CDK5RAP2: variants seen among roughly 807,000 people sequenced by gnomAD.
CDK5RAP2 encodes the protein CDK5 regulatory subunit-associated protein 2.
CDK5RAP2 carries 147 observed loss-of-function variants against 232.9 expected under a neutral mutation model. The observed-to-expected ratio is 0.63, with a 90% CI of 0.55 to 0.72. CDK5RAP2 has a LOEUF of 0.72. Among genes scored for constraint, CDK5RAP2 ranks in the 30% least tolerant of loss-of-function variants. The pLI, the probability that CDK5RAP2 is intolerant of heterozygous loss-of-function variation, is 0.00. For missense variants in CDK5RAP2, 2,195 were observed against 2,231.5 expected (o/e 0.98, Z 0.33); for synonymous variants, 833 against 833.7 (o/e 1.00, Z 0.01).
chr9:120,465,707 A>G (rs1318013739), intron 18 of CDK5RAP2, among the ~76,000 whole-genome samples: 6 of 131,046 alleles, frequency 4.6e-5, no homozygotes, highest in Admixed American at 1.4e-4. Context: ...AACTCTAAGG[A>G]AAAAAAAAAA....
At chr9:120,390,616 C>T (rs2031855740) in intron 36 of CDK5RAP2, among the ~76,000 whole-genome samples, 1 of 152,218 alleles carries the variant, frequency 6.6e-6, no homozygotes, top group Non-Finnish European at 1.5e-5. Context: ...GGCAAGAATG[C>T]CCCTCTTGAT....
chr9:120,467,663 T>G (rs956999075), intron 18 of CDK5RAP2, among the ~76,000 whole-genome samples, 197 bp downstream of exon 18: 3 of 152,208 alleles, frequency 2.0e-5, no homozygotes, highest in African/African-American at 7.2e-5. Context: ...TGGTTTTTTT[T>G]GAGACAGGGT....
chr9:120,569,972 A>C (rs1047620514), intron 2 of CDK5RAP2, among the ~76,000 whole-genome samples: 2 of 152,264 alleles, frequency 1.3e-5, no homozygotes, highest in African/African-American at 4.8e-5. Context: ...GATGAAGTGA[A>C]ATACACAATG....
intron 5 of CDK5RAP2, among the ~76,000 whole-genome samples, chr9:120,544,677 T>C (rs914617): frequency 0.85 from 129,589 of 152,260 alleles, 56,294 homozygotes; most frequent in Non-Finnish European, 0.95. Context: ...ATGAAGCATT[T>C]CCACATAAGC....
intron 25 of CDK5RAP2, among the ~76,000 whole-genome samples, chr9:120,430,475 A>G (rs1470392844): frequency 6.6e-6 from 1 of 150,868 alleles, no homozygotes; most frequent in Non-Finnish European, 1.5e-5. Context: ...ACTTCTCAAA[A>G]GAAGACATTT....
rs117525607 is a variant in CDK5RAP2 at position 120,440,273 on chromosome 9, G to A, written c.3149-301C>T. On this transcript the variant is annotated intron_variant, in intron 23 of 37. Transcript: ENST00000349780. ...ACACACACACCCCCTAAAATTCATC[G>A]ACATTCCCAGTATCTACATGAGACC... 57 of 417,860 alleles carry A rather than the reference G, an allele frequency of 1.4e-4. No homozygotes were observed. In the East Asian group the frequency reaches 2.3e-3, roughly 17 times the overall value. 25.9% of individuals were successfully genotyped at this position (417,860 alleles called of 1,614,324 possible).
At chr9:120,395,818 G>T (rs191258252) in intron 35 of CDK5RAP2, among the ~76,000 whole-genome samples, 40 of 152,356 alleles carry the variant, frequency 2.6e-4, no homozygotes, top group African/African-American at 9.1e-4. Flanking sequence ...CTTGATAAAA[G>T]CAAGTCACTA....
intron 7 of CDK5RAP2, among the ~76,000 whole-genome samples, chr9:120,532,752 T>A (rs2131938442): frequency 6.6e-6 from 1 of 152,274 alleles, no homozygotes; most frequent in Non-Finnish European, 1.5e-5. Context: ...GACAGCTGCA[T>A]TCATAGGACT....
chr9:120,448,271 C>T (rs2036303155), intron 21 of CDK5RAP2, 145 bp from the exon 22 acceptor site: 2 of 707,522 alleles, frequency 2.8e-6, no homozygotes, highest in Non-Finnish European at 5.0e-6. Flanking sequence ...CTATGCTTAT[C>T]CACCAGCCAA....
At chr9:120,462,863 A>G (rs1373186967) in intron 18 of CDK5RAP2, among the ~76,000 whole-genome samples, 2 of 152,220 alleles carry the variant, frequency 1.3e-5, no homozygotes, top group African/African-American at 4.8e-5. Flanking sequence ...TTTGACTATA[A>G]GCATTTATTG....
At chr9:120,482,388 T>C (rs989486087) in intron 14 of CDK5RAP2, among the ~76,000 whole-genome samples, 4 of 152,114 alleles carry the variant, frequency 2.6e-5, no homozygotes, top group African/African-American at 9.7e-5. Context: ...AGGCCACCAT[T>C]CTCCTCAGCT....
Position 120,443,617 on chromosome 9 carries a change from G to A in CDK5RAP2, c.3148+3C>T. ...TCAATACACACAGGGGCTGAATTCTGACCAATCTCGTAGCTTCTTTGCTGA... is the reference window on the plus strand; with the variant it reads ...TCAATACACACAGGGGCTGAATTCTAACCAATCTCGTAGCTTCTTTGCTGA... On this transcript the variant is annotated splice_donor_region_variant and intron_variant, in intron 23 of 37. Transcript: ENST00000349780. The A allele has an allele frequency of 1.9e-6, 3 of 1,614,044 alleles. No individual in the cohort carries two copies. The highest frequency in any genetic ancestry group is 2.5e-6 in the Non-Finnish European group (3 of 1,179,956).
In CDK5RAP2 at chr9:120,403,985, C is replaced by A; in HGVS notation, c.5041+51G>T. ...CCCCCTTTTCTGCAAGTTAAAAAGTCTTACTGTCACATCCAATGCTCCCAC... is the reference window on the plus strand; with the variant it reads ...CCCCCTTTTCTGCAAGTTAAAAAGTATTACTGTCACATCCAATGCTCCCAC... On this transcript the variant is annotated intron_variant, in intron 33 of 37. Coordinates refer to ENST00000349780, the MANE Select transcript of CDK5RAP2 (RefSeq NM_018249.6). The surrounding 1 kb of genome is among the most constrained non-coding windows in gnomAD (Gnocchi z 4.2). 1.6e-6 allele frequency: 2 copies of A among 1,265,698 alleles called. No individual in the cohort carries two copies. The highest frequency in any genetic ancestry group is 2.4e-5 in the South Asian group (2 of 84,072). 78.4% of individuals were successfully genotyped at this position (1,265,698 alleles called of 1,614,324 possible). A position where few individuals can be genotyped will look rare whatever the true frequency, so the allele number is the denominator to read the frequency against.
intron 32 of CDK5RAP2, 58 bp downstream of exon 32, chr9:120,406,954 T>C: frequency 7.8e-7 from 1 of 1,276,144 alleles, no homozygotes; most frequent in Non-Finnish European, 1.1e-6. Context: ...AGTTCACATG[T>C]CACACACAGA....
At chr9:120,406,507 T>G (rs973626521) in intron 32 of CDK5RAP2, 6 of 157,140 alleles carry the variant, frequency 3.8e-5, no homozygotes, top group Admixed American at 1.2e-4. Flanking sequence ...GGTGGGCGGG[T>G]GGTAGAGGTG....
chr9:120,569,950 G>A (rs2042789013), intron 2 of CDK5RAP2, among the ~76,000 whole-genome samples: 2 of 152,136 alleles, frequency 1.3e-5, no homozygotes, highest in South Asian at 4.1e-4. Flanking sequence ...AGGAATAAAT[G>A]AAATGAGATG....
In CDK5RAP2 at chr9:120,437,288, T is replaced by C. The variant is rs1370189840; in HGVS notation, c.3955+7A>G. ...GTCTTAAGACTCGCGTACCTCACCC[T>C]ACCTACCGTTGAGAAATAGCTTTTC... On this transcript the variant is annotated splice_region_variant and intron_variant, in intron 25 of 37. Coordinates refer to ENST00000349780, the MANE Select transcript of CDK5RAP2 (RefSeq NM_018249.6). The C allele has an allele frequency of 6.2e-7, 1 of 1,600,298 alleles. No individual in the cohort carries two copies. The highest frequency in any genetic ancestry group is 8.5e-7 in the Non-Finnish European group (1 of 1,170,462).
At chr9:120,575,587 G>A (rs1422650917) in intron 1 of CDK5RAP2, among the ~76,000 whole-genome samples, 1 of 151,670 alleles carries the variant, frequency 6.6e-6, no homozygotes, top group Non-Finnish European at 1.5e-5. Flanking sequence ...TTCTGACAAC[G>A]ATTACACAAA....
At chr9:120,509,412 C>T (rs1180609840) in intron 12 of CDK5RAP2, among the ~76,000 whole-genome samples, 1 of 152,188 alleles carries the variant, frequency 6.6e-6, no homozygotes, top group Admixed American at 6.5e-5. Context: ...GTGCCAGGAA[C>T]CACGGTAGGC....
Sources: allele counts gnomAD v4.1 joint callset (sites outside exome capture counted in the v4.1 genomes callset), GRCh38; gene constraint gnomAD v4.1.1; non-coding constraint Gnocchi (gnomAD v3.1); transcripts MANE v1.5; gene names NCBI Gene and HGNC (gene_info 2026-07-23, HGNC 2026-07-21).